The following NBEAL1 variants were observed in gnomAD, a reference collection of about 807,000 sequenced individuals.
The protein encoded by NBEAL1 is neurobeachin like 1, also known as neurobeachin-like protein 1.
NBEAL1 carries 273 observed loss-of-function variants against 351.3 expected under a neutral mutation model. That is an observed-to-expected ratio of 0.78 (90% CI 0.70 to 0.86). NBEAL1 has a LOEUF of 0.86. NBEAL1 is among the 40% of genes least tolerant of loss of function. The probability of loss-of-function intolerance (pLI) is 0.00; values close to 1 mark genes in which losing one functional copy is unlikely to be tolerated. For synonymous variants in NBEAL1, 1,050 were observed against 1,086.4 expected, an observed-to-expected ratio of 0.97 and a Z score of 0.66; for missense variants, 2,961 against 3,201.3, an observed-to-expected ratio of 0.92 and a Z score of 1.81.
intron 2 of NBEAL1, among the ~76,000 whole-genome samples, chr2:203,041,106 G>A (rs576574069): frequency 1.2e-4 from 18 of 152,252 alleles, no homozygotes; most frequent in African/African-American, 4.3e-4. Flanking sequence ...TTTCTGTATT[G>A]GCTGCTGCCT....
At position 203,110,134 on chromosome 2, in the gene NBEAL1, T is replaced by TA; in HGVS notation, c.1950-15dup. On this transcript the variant is annotated splice_polypyrimidine_tract_variant and intron_variant, in intron 14 of 55. Transcript: ENST00000683969. ...CAACCAACTTTAAAAGTTCTGATAA[T>TA]ACGTATTTTTTTTAGTTTTTTTACA... 1 of 1,543,742 alleles carries TA rather than the reference T, an allele frequency of 6.5e-7. No homozygotes were observed. Among genetic ancestry groups the TA allele is most frequent in the Non-Finnish European group, 8.7e-7 (1 of 1,144,448 alleles).
intron 2 of NBEAL1, among the ~76,000 whole-genome samples, chr2:203,031,466 C>G (rs2060948561): frequency 6.6e-6 from 1 of 152,158 alleles, no homozygotes; most frequent in Non-Finnish European, 1.5e-5. Context: ...GGTAGTTAAA[C>G]TTATGTGTAG....
intron 51 of NBEAL1, among the ~76,000 whole-genome samples, chr2:203,205,617 C>T (rs2065529837): frequency 6.6e-6 from 1 of 152,200 alleles, no homozygotes; most frequent in African/African-American, 2.4e-5. Flanking sequence ...AATAAACCCA[C>T]ATAGTTTATG....
intron 2 of NBEAL1, among the ~76,000 whole-genome samples, chr2:203,035,145 A>G (rs534671320): frequency 6.7e-6 from 1 of 149,230 alleles, no homozygotes; most frequent in South Asian, 2.1e-4. Flanking sequence ...AAGCCTCCCA[A>G]AAGGTTAGTG....
Position 203,084,830 on chromosome 2 carries a change from G to T in NBEAL1, c.1098+261G>T, listed in dbSNP as rs2061934774. The T allele has an allele frequency of 1.2e-5, 3 of 258,460 alleles. No homozygotes were observed. The South Asian group carries it at 2.9e-4, about 25-fold the overall frequency. 16.0% of individuals were successfully genotyped at this position (258,460 alleles called of 1,614,324 possible). The stretch of plus-strand genomic sequence containing the variant: ...ACATATATTATTTTCATTCTATCCA[G>T]AAATATCCTTGAGGCCCTTTAAGTA... On this transcript the variant is annotated intron_variant, in intron 10 of 55. Transcript: ENST00000683969.
In NBEAL1 at chr2:203,223,147, G is replaced by A. The variant is rs2065968852; in HGVS notation, c.*5793G>A. On this transcript the variant is annotated 3_prime_UTR_variant, in exon 56 of 56. Coordinates refer to ENST00000683969, the MANE Select transcript of NBEAL1 (RefSeq NM_001378026.1). ...CACGTGAGTGATTTCTAAACACATT[G>A]CAGGATTTGGACCTGTAAAGCCAGT... Among the ~76,000 whole-genome samples, 1 of 152,126 alleles carries A rather than the reference G, an allele frequency of 6.6e-6. No individual in the cohort carries two copies. The highest frequency in any genetic ancestry group is 2.4e-5 in the African/African-American group (1 of 41,452).
Position 203,125,514 on chromosome 2 carries a change from G to C in NBEAL1, c.2845G>C (p.Ala949Pro), listed in dbSNP as rs753907361. 126 of 1,463,200 alleles carry C rather than the reference G, an allele frequency of 8.6e-5. No individual in the cohort carries two copies. The highest frequency in any genetic ancestry group is 1.1e-4 in the Non-Finnish European group (117 of 1,108,936). 90.6% of individuals were successfully genotyped at this position (1,463,200 alleles called of 1,614,324 possible). A position where few individuals can be genotyped will look rare whatever the true frequency, so the allele number is the denominator to read the frequency against. ...GDWLVWTSTKASESRLERNLV... is the reference protein window; with the variant it reads ...GDWLVWTSTKPSESRLERNLV... ...TTGGCTCGTATGGACTTCCACAAAG[G>C]CCTCAGGTATTAAGATGAAATTAAC... The change falls in exon 20 of 56, where the codon GCC becomes CCC. Residue 949 changes from alanine (A) to proline (P), a missense_variant. Coordinates refer to ENST00000683969, the MANE Select transcript of NBEAL1 (RefSeq NM_001378026.1).
At chr2:203,136,823 A>G (rs1559394821) in intron 29 of NBEAL1, 49 bp downstream of exon 29, 2 of 1,495,050 alleles carry the variant, frequency 1.3e-6, no homozygotes, top group Non-Finnish European at 9.2e-7. Flanking sequence ...TGACAGCAGG[A>G]GTCTAAAATA....
At chr2:203,065,165 G>A (rs1324339113) in intron 6 of NBEAL1, among the ~76,000 whole-genome samples, 1 of 152,036 alleles carries the variant, frequency 6.6e-6, no homozygotes, top group African/African-American at 2.4e-5. Context: ...AGGCTGAGGT[G>A]GGAAGATCTC....
chr2:203,203,307 A>ATTT (rs5837846), intron 51 of NBEAL1, among the ~76,000 whole-genome samples: 1 of 148,328 alleles, frequency 6.7e-6, no homozygotes, highest in Admixed American at 6.7e-5. Context: ...ATGCCTGGCT[A>ATTT]TTTTTTTTTT....
chr2:203,060,093 T>G (rs760819478), intron 6 of NBEAL1, among the ~76,000 whole-genome samples: 1 of 152,230 alleles, frequency 6.6e-6, no homozygotes, highest in Non-Finnish European at 1.5e-5. Flanking sequence ...GACATAATTT[T>G]TCTTTATAGA....
At chr2:203,210,676 AT>A (rs1396968741) in intron 53 of NBEAL1, among the ~76,000 whole-genome samples, 2 of 152,028 alleles carry the variant, frequency 1.3e-5, no homozygotes, top group Non-Finnish European at 2.9e-5. Context: ...AAGAAAAAGA[AT>A]TTTTTTCTTT....
chr2:203,104,942 C>A (rs1275601368), intron 12 of NBEAL1, among the ~76,000 whole-genome samples: 3 of 151,820 alleles, frequency 2.0e-5, no homozygotes, highest in Non-Finnish European at 4.4e-5. Flanking sequence ...TCACTGCAAC[C>A]CCTGCCTCCT....
chr2:203,020,344 G>T (rs573091012), intron 2 of NBEAL1, among the ~76,000 whole-genome samples: 2 of 152,260 alleles, frequency 1.3e-5, no homozygotes, highest in South Asian at 4.1e-4. Flanking sequence ...GCTTTCTAAA[G>T]ATTCTTTCAC....
Position 203,222,787 on chromosome 2 carries a change from A to T in NBEAL1, c.*5433A>T, listed in dbSNP as rs1018685370. Among the ~76,000 whole-genome samples the T allele has an allele frequency of 3.9e-5, 6 of 152,216 alleles. No homozygotes were observed. Among genetic ancestry groups the T allele is most frequent in the Non-Finnish European group, 7.4e-5 (5 of 68,026 alleles). ...TCTTAGAGCCTTGAAGCTTGTAATC[A>T]ATAGAATTTTCCTAATTAAAAAGCA... On this transcript the variant is annotated 3_prime_UTR_variant, in exon 56 of 56. Transcript: ENST00000683969.
At chr2:203,189,486 A>T (rs926621584) in intron 45 of NBEAL1, among the ~76,000 whole-genome samples, 1 of 152,118 alleles carries the variant, frequency 6.6e-6, no homozygotes, top group African/African-American at 2.4e-5. Context: ...CCTGGGGTCA[A>T]CCAGCCCCTG....
At chr2:203,121,353 A>T (rs947412828) in intron 18 of NBEAL1, among the ~76,000 whole-genome samples, 10 of 151,608 alleles carry the variant, frequency 6.6e-5, no homozygotes, top group African/African-American at 2.4e-4. Flanking sequence ...AGAAAAATTT[A>T]AAAACTATGA....
chr2:203,207,776 G>A (rs2065652428), intron 51 of NBEAL1, among the ~76,000 whole-genome samples: 1 of 152,306 alleles, frequency 6.6e-6, no homozygotes, highest in African/African-American at 2.4e-5. Flanking sequence ...CAAACACTGC[G>A]GAAGGCCGCA....
chr2:203,154,203 T>C (rs2063738246), intron 35 of NBEAL1, among the ~76,000 whole-genome samples: 1 of 140,402 alleles, frequency 7.1e-6, no homozygotes, highest in Non-Finnish European at 1.5e-5. Context: ...GCCACTGCAC[T>C]CCAGCCTGGG....
Sources: gnomAD v4.1 joint callset for allele counts (sites outside exome capture counted in the v4.1 genomes callset) on GRCh38, gnomAD v4.1.1 for gene constraint, MANE v1.5 for transcripts, NCBI Gene and HGNC (gene_info 2026-07-23, HGNC 2026-07-21) for gene names.